TMEM38B: variants seen among roughly 807,000 people sequenced by gnomAD.
TMEM38B encodes the protein transmembrane protein 38B.
A neutral mutation model predicts 28.7 loss-of-function variants in TMEM38B; 24 were observed. The observed-to-expected ratio is 0.84, with a 90% CI of 0.61 to 1.18. TMEM38B has a LOEUF of 1.18. Ranked by LOEUF, TMEM38B falls within the 50% of genes most tolerant of loss-of-function variation. The pLI is 0.00. For missense variants in TMEM38B, 380 were observed against 350.9 expected (o/e 1.08, Z -0.66); for synonymous variants, 131 against 127.7 (o/e 1.03, Z -0.17).
At chr9:105,754,182 A>G (rs1837753934) in intron 5 of TMEM38B, among the ~76,000 whole-genome samples, 1 of 152,200 alleles carries the variant, frequency 6.6e-6, no homozygotes, top group Non-Finnish European at 1.5e-5. Context: ...CTTCCACACA[A>G]TAATAGTGGG....
intron 4 of TMEM38B, among the ~76,000 whole-genome samples, chr9:105,744,731 C>T (rs1407419726): frequency 2.6e-5 from 4 of 152,058 alleles, no homozygotes; most frequent in Non-Finnish European, 5.9e-5. Context: ...TGCTATCCCT[C>T]CCCATTTCCC....
chr9:105,747,158 C>A (rs937959779), intron 4 of TMEM38B, among the ~76,000 whole-genome samples: 2 of 152,142 alleles, frequency 1.3e-5, no homozygotes, highest in African/African-American at 4.8e-5. Flanking sequence ...ATGGTACCAG[C>A]TCCTCCTTGT....
chr9:105,748,469 G>T (rs1837516803), intron 5 of TMEM38B, among the ~76,000 whole-genome samples: 1 of 146,884 alleles, frequency 6.8e-6, no homozygotes. Context: ...AGGCTGATCA[G>T]AGACTGCGAA....
intron 5 of TMEM38B, chr9:105,759,953 A>G (rs2133637418): frequency 1.3e-6 from 2 of 1,576,330 alleles, no homozygotes; most frequent in South Asian, 2.2e-5. Flanking sequence ...ACAAGTGTGC[A>G]AACAGCTATG....
intron 2 of TMEM38B, among the ~76,000 whole-genome samples, chr9:105,715,231 T>G (rs1039566625): frequency 6.6e-6 from 1 of 152,204 alleles, no homozygotes; most frequent in African/African-American, 2.4e-5. Flanking sequence ...TATTTTACAC[T>G]GTCATTTTAA....
chr9:105,751,224 G>A lies in TMEM38B; in HGVS notation c.660+3034G>A, dbSNP rs116474897. Among the ~76,000 whole-genome samples, 752 of 152,304 alleles carry A rather than the reference G, an allele frequency of 4.9e-3. 8 individuals carry two copies. The highest frequency in any genetic ancestry group is 0.017 in the African/African-American group (722 of 41,570). ...TGTCTAGGCAGACAGCTTAACCCAT[G>A]GAGAAGGAAGAAAAGCAGTGGGGTG... On this transcript the variant is annotated intron_variant, in intron 5 of 5. Transcript: ENST00000374692.
intron 5 of TMEM38B, among the ~76,000 whole-genome samples, chr9:105,757,139 T>C (rs79892852): frequency 6.4e-4 from 98 of 152,320 alleles, no homozygotes; most frequent in Non-Finnish European, 1.1e-3. Context: ...CTCCCACTTA[T>C]AGAGAACATA....
At chr9:105,741,491 A>G (rs2133607299) in intron 4 of TMEM38B, among the ~76,000 whole-genome samples, 1 of 152,334 alleles carries the variant, frequency 6.6e-6, no homozygotes, top group East Asian at 1.9e-4. Context: ...ATGTACATGT[A>G]GGAATATTGT....
At chr9:105,725,867 C>T (rs1291932853) in intron 4 of TMEM38B, among the ~76,000 whole-genome samples, 1 of 152,004 alleles carries the variant, frequency 6.6e-6, no homozygotes, top group African/African-American at 2.4e-5. Flanking sequence ...CTACTGTAGA[C>T]TTTATAAACA....
intron 2 of TMEM38B, chr9:105,710,331 C>T (rs975165986): frequency 3.9e-4 from 272 of 694,976 alleles, no homozygotes; most frequent in Middle Eastern, 8.5e-4. Flanking sequence ...TGTGGTCTTC[C>T]AGCCAGTCTA....
chr9:105,745,365 G>T lies in TMEM38B; in HGVS notation c.543-2708G>T, dbSNP rs1039482859. Among the ~76,000 whole-genome samples, 101 of 152,258 alleles carry T rather than the reference G, an allele frequency of 6.6e-4. 1 individual carries two copies. The highest frequency in any genetic ancestry group is 2.0e-3 in the African/African-American group (84 of 41,548). On this transcript the variant is annotated intron_variant, in intron 4 of 5. Transcript: ENST00000374692. ...ATGATGAGCATTTTTTCATCTGTCT[G>T]TTGGCTGCATAAATGTCTTCTTTTG...
At chr9:105,738,036 G>A (rs547743090) in intron 4 of TMEM38B, among the ~76,000 whole-genome samples, 1 of 152,104 alleles carries the variant, frequency 6.6e-6, no homozygotes. Context: ...GGATGGAAGG[G>A]TACAGTAGCT....
At chr9:105,729,618 A>G (rs551285423) in intron 4 of TMEM38B, among the ~76,000 whole-genome samples, 37 of 152,300 alleles carry the variant, frequency 2.4e-4, no homozygotes, top group African/African-American at 8.7e-4. Context: ...TTCTGTGAAG[A>G]AAGTCATTGG....
chr9:105,723,664 TG>T (rs1258253918), intron 4 of TMEM38B, among the ~76,000 whole-genome samples: 2 of 152,256 alleles, frequency 1.3e-5, no homozygotes, highest in East Asian at 3.9e-4. Flanking sequence ...CCAAAAGTGC[TG>T]GGATTACAGA....
At chr9:105,759,933 A>G in intron 5 of TMEM38B, 1 of 1,587,644 alleles carries the variant, frequency 6.3e-7, no homozygotes, top group South Asian at 1.1e-5. Flanking sequence ...CAAATGTTGG[A>G]CAAAGCAGCA....
At chr9:105,717,857 A>G (rs1340755416) in intron 2 of TMEM38B, among the ~76,000 whole-genome samples, 2 of 152,308 alleles carry the variant, frequency 1.3e-5, no homozygotes, top group South Asian at 2.1e-4. Context: ...TAGCAATTAC[A>G]TAGCATTTAC....
At chr9:105,767,064 A>G (rs1250801291) in intron 5 of TMEM38B, among the ~76,000 whole-genome samples, 1 of 151,964 alleles carries the variant, frequency 6.6e-6, no homozygotes, top group Non-Finnish European at 1.5e-5. Flanking sequence ...TACAAAGGAC[A>G]TGAACTCATC....
intron 4 of TMEM38B, among the ~76,000 whole-genome samples, chr9:105,745,631 C>T (rs1837360181): frequency 6.6e-6 from 1 of 152,098 alleles, no homozygotes; most frequent in East Asian, 1.9e-4. Flanking sequence ...GTTGCCATTG[C>T]TTTTGGTGTT....
At chr9:105,759,593 T>C (rs1023693666) in intron 5 of TMEM38B, 7 of 1,560,300 alleles carry the variant, frequency 4.5e-6, no homozygotes, top group Non-Finnish European at 6.2e-6. Flanking sequence ...GAAGGAATTG[T>C]AGATGTGTCA....
Sources: allele counts gnomAD v4.1 joint callset (sites outside exome capture counted in the v4.1 genomes callset), GRCh38; gene constraint gnomAD v4.1.1; transcripts MANE v1.5; gene names NCBI Gene and HGNC (gene_info 2026-07-23, HGNC 2026-07-21).